The following DNAJC8 variants were observed in gnomAD, a reference collection of about 807,000 sequenced individuals.
The protein encoded by DNAJC8 is DnaJ heat shock protein family (Hsp40) member C8, also known as dnaJ homolog subfamily C member 8.
Under a neutral mutation model 43.2 loss-of-function variants are expected in DNAJC8, and 24 were observed. That is an observed-to-expected ratio of 0.56 (90% CI 0.40 to 0.78). The LOEUF is 0.78. DNAJC8 is among the 30% of genes least tolerant of loss of function. The pLI is 0.00. For missense variants in DNAJC8, 207 were observed against 299.4 expected (o/e 0.69, Z 2.28); for synonymous variants, 83 against 98.0 (o/e 0.85, Z 0.90).
intron 8 of DNAJC8, 79 bp downstream of exon 8, chr1:28,203,668 C>A: frequency 7.2e-7 from 1 of 1,391,354 alleles, no homozygotes; most frequent in Non-Finnish European, 1.0e-6. Flanking sequence ...TCTGACTGCC[C>A]CACTCAGTCC....
At chr1:28,225,629 G>A (rs549166467) in intron 2 of DNAJC8, among the ~76,000 whole-genome samples, 1 of 150,724 alleles carries the variant, frequency 6.6e-6, no homozygotes, top group South Asian at 2.1e-4. Flanking sequence ...AATATGAACA[G>A]TGGTGATGGT....
chr1:28,210,201 T>TA lies in DNAJC8; in HGVS notation c.305-136dup, dbSNP rs542187072. The TA allele has an allele frequency of 4.1e-4, 302 of 738,164 alleles. 1 individual carries two copies. Among genetic ancestry groups the TA allele is most frequent in the East Asian group, 3.7e-3 (138 of 36,834 alleles). The allele number at this position is 738,164 out of a possible 1,614,324, so 45.7% of individuals were successfully genotyped here. The stretch of plus-strand genomic sequence containing the variant: ...ATTATTTACTGTCGTTAAACTAAGT[T>TA]AAAAAAAACATTCAACTATAGCAAT... On this transcript the variant is annotated intron_variant, in intron 4 of 8. Coordinates refer to ENST00000263697, the MANE Select transcript of DNAJC8 (RefSeq NM_014280.3).
At chr1:28,202,481 G>A (rs374469157) in intron 8 of DNAJC8, among the ~76,000 whole-genome samples, 16 of 150,258 alleles carry the variant, frequency 1.1e-4, no homozygotes, top group African/African-American at 2.7e-4. Flanking sequence ...GGGTTTCACC[G>A]TGTTAGCCAG....
At chr1:28,207,184 C>A (rs552285685) in intron 6 of DNAJC8, among the ~76,000 whole-genome samples, 1 of 151,948 alleles carries the variant, frequency 6.6e-6, no homozygotes, top group South Asian at 2.1e-4. Context: ...TTGAGATCAG[C>A]CTGACCAACA....
At chr1:28,225,788 C>T (rs1335686087) in intron 2 of DNAJC8, among the ~76,000 whole-genome samples, 12 of 149,218 alleles carry the variant, frequency 8.0e-5, no homozygotes, top group African/African-American at 2.2e-4. Context: ...CTGCAACCTC[C>T]GCCTCCTGGG....
intron 2 of DNAJC8, among the ~76,000 whole-genome samples, chr1:28,228,480 A>G (rs977372941): frequency 6.6e-6 from 1 of 152,124 alleles, no homozygotes; most frequent in Non-Finnish European, 1.5e-5. Context: ...ACTTTCCTTA[A>G]CATGCTGTCT....
At chr1:28,206,514 T>C (rs558189) in intron 6 of DNAJC8, among the ~76,000 whole-genome samples, 12,859 of 152,142 alleles carry the variant, frequency 0.085, 956 homozygotes, top group African/African-American at 0.2. Context: ...CCAGCCGGGG[T>C]GACAAAGGGA....
chr1:28,230,894 G>A (rs572707575), intron 1 of DNAJC8, among the ~76,000 whole-genome samples: 1 of 152,330 alleles, frequency 6.6e-6, no homozygotes, highest in South Asian at 2.1e-4. Context: ...GATGTGATAT[G>A]GTCCTTAACC....
intron 2 of DNAJC8, among the ~76,000 whole-genome samples, chr1:28,216,347 A>T (rs753665852): frequency 2.0e-5 from 3 of 152,196 alleles, no homozygotes; most frequent in South Asian, 2.1e-4. Context: ...CTGTAACTGT[A>T]CATACAAAAA....
At chr1:28,215,345 C>T (rs185438952) in intron 2 of DNAJC8, among the ~76,000 whole-genome samples, 205 of 151,928 alleles carry the variant, frequency 1.3e-3, no homozygotes, top group African/African-American at 4.6e-3. Flanking sequence ...TTGCAAATGT[C>T]GAGAAACCGT....
chr1:28,215,461 A>G (rs1427796959), intron 2 of DNAJC8, among the ~76,000 whole-genome samples: 1 of 152,170 alleles, frequency 6.6e-6, no homozygotes, highest in Non-Finnish European at 1.5e-5. Context: ...GAAACCTGTG[A>G]GCAATGGCTG....
At chr1:28,218,125 C>T (rs1183475851) in intron 2 of DNAJC8, among the ~76,000 whole-genome samples, 13 of 123,342 alleles carry the variant, frequency 1.1e-4, no homozygotes, top group Admixed American at 1.9e-4. Context: ...GATGGAGTTT[C>T]GCTCTTGTTG....
At chr1:28,214,808 C>A in intron 3 of DNAJC8, 132 bp downstream of exon 3, 1 of 559,870 alleles carries the variant, frequency 1.8e-6, no homozygotes, top group Non-Finnish European at 3.0e-6. Context: ...CTTTTTTTTA[C>A]AAAACAGTTA....
chr1:28,220,309 G>T (rs538880031), intron 2 of DNAJC8, among the ~76,000 whole-genome samples: 10 of 152,104 alleles, frequency 6.6e-5, no homozygotes, highest in Admixed American at 6.5e-4. Flanking sequence ...TTTTACCTGC[G>T]GCCGGTCCTC....
chr1:28,202,161 C>T (rs946786386), intron 8 of DNAJC8, among the ~76,000 whole-genome samples: 6 of 152,274 alleles, frequency 3.9e-5, no homozygotes, highest in African/African-American at 7.2e-5. Flanking sequence ...ACCCCTAGAA[C>T]GCAGGATGAG....
chr1:28,212,548 C>G (rs1444674674), intron 3 of DNAJC8, among the ~76,000 whole-genome samples: 1 of 151,618 alleles, frequency 6.6e-6, no homozygotes, highest in Non-Finnish European at 1.5e-5. Context: ...TCCCAAAATA[C>G]TAGGATTACA....
Position 28,203,945 on chromosome 1 carries a change from G to T in DNAJC8, c.564-123C>A, listed in dbSNP as rs927438870. The T allele has an allele frequency of 1.6e-5, 15 of 942,416 alleles. No homozygotes were observed. The African/African-American group carries it at 2.5e-4, about 16-fold the overall frequency. The allele number at this position is 942,416 out of a possible 1,614,324, so 58.4% of individuals were successfully genotyped here. A position where few individuals can be genotyped will look rare whatever the true frequency, so the allele number is the denominator to read the frequency against. On this transcript the variant is annotated intron_variant, in intron 7 of 8. Coordinates refer to ENST00000263697, the MANE Select transcript of DNAJC8 (RefSeq NM_014280.3). Reference sequence around the variant, plus strand: ...AATCAATTCCCTAGAAGTCTACAAAGATGGCTGTCTGGAAAGGGCTCATAG... The same window carrying T: ...AATCAATTCCCTAGAAGTCTACAAATATGGCTGTCTGGAAAGGGCTCATAG...
chr1:28,207,369 C>A (rs901421284), intron 6 of DNAJC8, among the ~76,000 whole-genome samples: 2 of 151,908 alleles, frequency 1.3e-5, no homozygotes, highest in African/African-American at 4.8e-5. Flanking sequence ...CAGAGTAAGA[C>A]CCCGTCTCAA....
intron 2 of DNAJC8, among the ~76,000 whole-genome samples, chr1:28,215,819 G>A (rs532197994): frequency 1.2e-4 from 18 of 151,318 alleles, no homozygotes; most frequent in African/African-American, 4.1e-4. Context: ...TTACAGGTGT[G>A]AGCCACCGCG....
Sources: allele counts gnomAD v4.1 joint callset (sites outside exome capture counted in the v4.1 genomes callset), GRCh38; gene constraint gnomAD v4.1.1; transcripts MANE v1.5; gene names NCBI Gene and HGNC (gene_info 2026-07-23, HGNC 2026-07-21).